Variants in RASGRP3 observed in about 807,000 individuals in gnomAD.
The protein encoded by RASGRP3 is ras guanyl-releasing protein 3.
In RASGRP3, 54 loss-of-function variants were observed where a neutral mutation model predicts 82.7. That is an observed-to-expected ratio of 0.65 (90% CI 0.52 to 0.82). The LOEUF is 0.82. RASGRP3 is among the 40% of genes least tolerant of loss of function. The probability of loss-of-function intolerance (pLI) is 0.00; values close to 1 mark genes in which losing one functional copy is unlikely to be tolerated. For missense variants in RASGRP3, 861 were observed against 828.9 expected, an observed-to-expected ratio of 1.04 and a Z score of -0.48; for synonymous variants, 309 against 300.5, an observed-to-expected ratio of 1.03 and a Z score of -0.29.
At chr2:33,526,661 G>C (rs1168042737) in intron 9 of RASGRP3, among the ~76,000 whole-genome samples, 1 of 152,118 alleles carries the variant, frequency 6.6e-6, no homozygotes, top group Non-Finnish European at 1.5e-5. Context: ...CTTGCTCAAG[G>C]TCACCCTTCT....
At chr2:33,522,204 T>C in intron 7 of RASGRP3, 102 bp downstream of exon 7, 1 of 1,324,608 alleles carries the variant, frequency 7.5e-7, no homozygotes, top group Non-Finnish European at 1.0e-6. Flanking sequence ...CTTCTATCAC[T>C]GTGCTCTGCT....
Position 33,511,781 on chromosome 2 carries a change from A to T in RASGRP3, c.-189A>T, listed in dbSNP as rs1670950716. On this transcript the variant is annotated 5_prime_UTR_variant, in exon 2 of 18. It removes an upstream start codon present in the reference 5' UTR. Coordinates refer to ENST00000403687, the MANE Select transcript of RASGRP3 (RefSeq NM_001139488.2). ...GACTGCTTCTTCCATGCATTTCCCA[A>T]TGATGCTAGCTGCCCTTAAAATTCT... 1 of 152,634 alleles carries T rather than the reference A, an allele frequency of 6.6e-6. No individual in the cohort carries two copies. Among genetic ancestry groups the T allele is most frequent in the African/African-American group, 2.4e-5 (1 of 41,448 alleles). The allele number at this position is 152,634 out of a possible 1,614,324, so 9.5% of individuals were successfully genotyped here.
chr2:33,436,834 A>G (rs906232659), intron 1 of RASGRP3, among the ~76,000 whole-genome samples: 8 of 152,192 alleles, frequency 5.3e-5, no homozygotes, highest in Non-Finnish European at 1.2e-4. Flanking sequence ...CTTCAGTTTC[A>G]TTATTATCAG....
In RASGRP3 at chr2:33,555,536, G is replaced by A; in HGVS notation, c.1548G>A (p.Trp516Ter). 6.3e-7 allele frequency: 1 copy of A among 1,598,576 alleles called. No homozygotes were observed. Among genetic ancestry groups the A allele is most frequent in the Non-Finnish European group, 8.6e-7 (1 of 1,168,596 alleles). Residue 516 changes from tryptophan to a stop codon, truncating the protein, a stop_gained, in exon 15 of 18, where the codon TGG becomes TGA. Coordinates refer to ENST00000403687, the MANE Select transcript of RASGRP3 (RefSeq NM_001139488.2). LOFTEE classifies it high-confidence loss of function. The stretch of plus-strand genomic sequence containing the variant: ...TCCTTTGTCTTTTGTTACAGCTCTG[G>A]GGCATAATCAAGCAAGGATACAAAT... Reference protein sequence around the residue: ...TFCEHCAGFLWGIIKQGYKCK... With the variant: ...TFCEHCAGFL
At chr2:33,499,088 A>G (rs910989397) in intron 1 of RASGRP3, among the ~76,000 whole-genome samples, 1 of 152,186 alleles carries the variant, frequency 6.6e-6, no homozygotes, top group African/African-American at 2.4e-5. Flanking sequence ...GAGAAACATC[A>G]AGACAAGAAT....
chr2:33,476,843 C>A (rs1405716925), intron 1 of RASGRP3, 136 bp downstream of exon 1: 1 of 150,334 alleles, frequency 6.7e-6, no homozygotes, highest in Non-Finnish European at 1.5e-5. Flanking sequence ...TTCCCTCTGG[C>A]ACGATAGAAG....
intron 6 of RASGRP3, among the ~76,000 whole-genome samples, chr2:33,521,353 C>T (rs1017344479): frequency 6.6e-6 from 1 of 152,152 alleles, no homozygotes; most frequent in Non-Finnish European, 1.5e-5. Context: ...ATCCATCTTG[C>T]AAATGTCTGT....
At position 33,542,421 on chromosome 2, in the gene RASGRP3, C is replaced by T. The variant is rs760635999; in HGVS notation, c.1279-1091C>T. ...ATTTTTAGCCTGTTTTCAACATGCC[C>T]ACTTTGATTTGAACTTTATAATCAA... On this transcript the variant is annotated intron_variant, in intron 12 of 17. Coordinates refer to ENST00000403687, the MANE Select transcript of RASGRP3 (RefSeq NM_001139488.2). Among the ~76,000 whole-genome samples the T allele has an allele frequency of 1.4e-5, 2 of 146,932 alleles. 1 individual carries two copies. The highest frequency in any genetic ancestry group is 3.0e-5 in the Non-Finnish European group (2 of 65,674).
intron 10 of RASGRP3, among the ~76,000 whole-genome samples, chr2:33,530,481 T>A (rs1055061044): frequency 2.0e-5 from 3 of 147,266 alleles, no homozygotes; most frequent in Non-Finnish European, 4.5e-5. Flanking sequence ...GAGTGTAACA[T>A]CACCCCTGCC....
At chr2:33,461,240 T>G (rs564423297) in intron 2 of RASGRP3, among the ~76,000 whole-genome samples, 6 of 152,320 alleles carry the variant, frequency 3.9e-5, no homozygotes, top group Non-Finnish European at 7.3e-5. Context: ...TTTTTTAAAT[T>G]AAAACGTTAG....
chr2:33,477,345 TC>T (rs369722915), intron 1 of RASGRP3, among the ~76,000 whole-genome samples: 1 of 152,184 alleles, frequency 6.6e-6, no homozygotes, highest in Non-Finnish European at 1.5e-5. Context: ...CGACTTTTTT[TC>T]CCCCCAACAA....
intron 14 of RASGRP3, among the ~76,000 whole-genome samples, chr2:33,552,686 G>A (rs1456579943): frequency 1.3e-5 from 2 of 152,150 alleles, no homozygotes; most frequent in Admixed American, 1.3e-4. Flanking sequence ...AAACAGACTT[G>A]CTCTGCAGAA....
Position 33,558,829 on chromosome 2 carries a change from A to C in RASGRP3, c.1863A>C (p.Ser621=), listed in dbSNP as rs779904818. 6.2e-7 allele frequency: 1 copy of C among 1,614,040 alleles called. No individual in the cohort carries two copies. Among genetic ancestry groups the C allele is most frequent in the Non-Finnish European group, 8.5e-7 (1 of 1,179,902 alleles). ...SQATQTEPVW[S]EAGWGDSGSH... The stretch of plus-strand genomic sequence containing the variant: ...CCACCCAGACTGAACCTGTCTGGTC[A>C]GAGGCTGGCTGGGGGGACTCGGGGT... The change falls in exon 17 of 18, where the codon TCA becomes TCC. Residue 621 remains serine, a synonymous_variant. Coordinates refer to ENST00000403687, the MANE Select transcript of RASGRP3 (RefSeq NM_001139488.2).
intron 1 of RASGRP3, among the ~76,000 whole-genome samples, chr2:33,443,220 G>T (rs546494727): frequency 6.6e-6 from 1 of 152,104 alleles, no homozygotes; most frequent in African/African-American, 2.4e-5. Context: ...TAATAGCAAT[G>T]GGCAGGAGAA....
upstream of RASGRP3, among the ~76,000 whole-genome samples, chr2:33,472,864 C>A (rs1667139643): frequency 8.1e-6 from 1 of 122,946 alleles, no homozygotes; most frequent in South Asian, 2.8e-4. Context: ...GAGCAAGACT[C>A]CGTCTCAAAA....
intron 1 of RASGRP3, among the ~76,000 whole-genome samples, chr2:33,496,844 G>A (rs987087358): frequency 1.3e-5 from 2 of 152,118 alleles, no homozygotes; most frequent in African/African-American, 4.8e-5. Flanking sequence ...GTGACAGAGT[G>A]AGAACTTATC....
At chr2:33,437,153 C>T (rs1664969665) in intron 1 of RASGRP3, among the ~76,000 whole-genome samples, 1 of 152,072 alleles carries the variant, frequency 6.6e-6, no homozygotes, top group African/African-American at 2.4e-5. Flanking sequence ...CAAAAAACAG[C>T]ACTGAATAGT....
chr2:33,460,365 C>T (rs1666292081), intron 2 of RASGRP3, among the ~76,000 whole-genome samples: 2 of 152,048 alleles, frequency 1.3e-5, no homozygotes, highest in South Asian at 4.2e-4. Context: ...TTTTTCTATC[C>T]TATATTGGAT....
intron 1 of RASGRP3, among the ~76,000 whole-genome samples, chr2:33,485,321 G>A (rs1668279762): frequency 6.6e-6 from 1 of 152,198 alleles, no homozygotes; most frequent in Non-Finnish European, 1.5e-5. Context: ...TCTATTAGAA[G>A]GATGCTGTAG....
Sources: allele counts gnomAD v4.1 joint callset (sites outside exome capture counted in the v4.1 genomes callset), GRCh38; gene constraint gnomAD v4.1.1; transcripts MANE v1.5; gene names NCBI Gene and HGNC (gene_info 2026-07-23, HGNC 2026-07-21).